DHRSX: variants seen among roughly 807,000 people sequenced by gnomAD.
The protein encoded by DHRSX is polyprenol dehydrogenase.
DHRSX carries 31 observed loss-of-function variants against 34.0 expected under a neutral mutation model. That is an observed-to-expected ratio of 0.91 (90% confidence interval 0.69 to 1.23). The LOEUF (loss-of-function observed/expected upper bound fraction) is 1.23. Ranked by LOEUF, DHRSX falls within the 50% of genes most tolerant of loss-of-function variation. The pLI is 0.00. For missense variants in DHRSX, 414 were observed against 428.1 expected (o/e 0.97, Z 0.29); for synonymous variants, 201 against 183.8 (o/e 1.09, Z -0.76).
At chrX:2,241,276 C>A (rs1167352065) in intron 6 of DHRSX, among the ~76,000 whole-genome samples, 2 of 152,160 alleles carry the variant, frequency 1.3e-5, no homozygotes. Context: ...AAGATCATTG[C>A]AGAAATGTGG....
intron 1 of DHRSX, among the ~76,000 whole-genome samples, chrX:2,449,181 C>G (rs978263272): frequency 9.7e-6 from 1 of 103,624 alleles, no homozygotes; most frequent in African/African-American, 5.5e-5. Flanking sequence ...AAGAGTAAAA[C>G]TCTGTCTCAA....
At chrX:2,319,310 C>T (rs1380271342) in intron 3 of DHRSX, among the ~76,000 whole-genome samples, 2 of 150,622 alleles carry the variant, frequency 1.3e-5, no homozygotes, top group East Asian at 2.0e-4. Context: ...TTTGGGAGGC[C>T]GAGGCGGGTA....
At chrX:2,407,209 G>A (rs1206467951) in intron 3 of DHRSX, among the ~76,000 whole-genome samples, 3 of 152,178 alleles carry the variant, frequency 2.0e-5, no homozygotes, top group Admixed American at 6.5e-5. Flanking sequence ...CCAATTTGCT[G>A]GGTCCGACTC....
At chrX:2,241,986 T>C (rs146663081) in intron 6 of DHRSX, among the ~76,000 whole-genome samples, 2,317 of 152,126 alleles carry the variant, frequency 0.015, 61 homozygotes, top group African/African-American at 0.052. Flanking sequence ...TTCAAACCCA[T>C]TGACTTCTCT....
intron 3 of DHRSX, among the ~76,000 whole-genome samples, chrX:2,391,735 GACCAAC>G (rs2043337841): frequency 6.6e-6 from 1 of 152,086 alleles, no homozygotes; most frequent in Non-Finnish European, 1.5e-5. Flanking sequence ...AGACCAGCCT[GACCAAC>G]ATGGTGAAAT....
Position 2,255,809 on chromosome X carries a change from G to A in DHRSX, c.596+10931C>T, listed in dbSNP as rs773211532. ...GGTGCCTGTAGTCCCAGCTACCCGG[G>A]AGGCTGAGACAGGAGAATCACTTGA... is the stretch of plus-strand genomic sequence containing the variant. On this transcript the variant is annotated intron_variant, in intron 5 of 6. Coordinates refer to ENST00000334651, the MANE Select transcript of DHRSX (RefSeq NM_145177.3). Among the ~76,000 whole-genome samples, 16 of 151,896 alleles carry A rather than the reference G, an allele frequency of 1.1e-4. No individual in the cohort carries two copies. In the South Asian group the frequency reaches 3.1e-3, roughly 30 times the overall value.
intron 3 of DHRSX, among the ~76,000 whole-genome samples, chrX:2,330,901 G>C (rs984573938): frequency 5.9e-5 from 9 of 152,126 alleles, no homozygotes; most frequent in Non-Finnish European, 7.4e-5. Context: ...GCCTGGTCCA[G>C]GCCACTCTAA....
Position 2,225,347 on chromosome X carries a change from C to T in DHRSX, c.805-4118G>A, listed in dbSNP as rs376514085. Among the ~76,000 whole-genome samples, 184 of 151,010 alleles carry T rather than the reference C, an allele frequency of 1.2e-3. 2 individuals carry two copies. In the Middle Eastern group the frequency reaches 0.014, roughly 11 times the overall value. ...ATGCACGCACCCTCATTCACAAGTA[C>T]GCACATACACATGCACACATGCTCA... is the stretch of plus-strand genomic sequence containing the variant. On this transcript the variant is annotated intron_variant, in intron 6 of 6. Transcript: ENST00000334651.
chrX:2,348,696 T>A (rs780059993), intron 3 of DHRSX, among the ~76,000 whole-genome samples: 8,673 of 151,770 alleles, frequency 0.057, 826 homozygotes, highest in African/African-American at 0.2. Context: ...ATTTTTATTT[T>A]TTTTTTTTTT....
chrX:2,333,022 T>C (rs62583704), intron 3 of DHRSX, among the ~76,000 whole-genome samples: 39,923 of 152,034 alleles, frequency 0.26, 6,271 homozygotes, highest in African/African-American at 0.43. Context: ...AAATAGGTGA[T>C]GGGCCTTTGC....
At chrX:2,347,218 T>C (rs1306829698) in intron 3 of DHRSX, among the ~76,000 whole-genome samples, 1 of 152,010 alleles carries the variant, frequency 6.6e-6, no homozygotes, top group African/African-American at 2.4e-5. Context: ...AAGCAAAAGG[T>C]GAAAGGCACG....
intron 2 of DHRSX, among the ~76,000 whole-genome samples, chrX:2,417,982 A>G (rs2043717734): frequency 6.6e-6 from 1 of 151,866 alleles, no homozygotes; most frequent in Non-Finnish European, 1.5e-5. Context: ...AGACCTCATC[A>G]TGGCCTACCC....
At chrX:2,371,280 GTTACCATAGTCCCTCCTCCA>G (rs1235374368) in intron 3 of DHRSX, among the ~76,000 whole-genome samples, 4 of 143,034 alleles carry the variant, frequency 2.8e-5, no homozygotes, top group South Asian at 2.2e-4. Flanking sequence ...TTCTACTTCT[GTTACCATAGTCCCTCCTCCA>G]TTACCATAGA....
At chrX:2,271,310 G>A (rs920480363) in intron 4 of DHRSX, among the ~76,000 whole-genome samples, 38 of 152,198 alleles carry the variant, frequency 2.5e-4, no homozygotes, top group African/African-American at 8.9e-4. Context: ...CTTGAAGTCA[G>A]CGAGACCAAG....
At chrX:2,350,063 T>C (rs1308967517) in intron 3 of DHRSX, among the ~76,000 whole-genome samples, 1 of 137,712 alleles carries the variant, frequency 7.3e-6, no homozygotes, top group African/African-American at 2.7e-5. Flanking sequence ...AGAACGTAAT[T>C]GGCCAGGTGC....
At chrX:2,489,923 C>T (rs777878367) in intron 1 of DHRSX, 2 of 1,613,838 alleles carry the variant, frequency 1.2e-6, no homozygotes, top group African/African-American at 1.3e-5. Flanking sequence ...GGTGGTGGCC[C>T]CGAAGACCTT....
chrX:2,356,025 C>T (rs2042846775), intron 3 of DHRSX, among the ~76,000 whole-genome samples: 1 of 147,828 alleles, frequency 6.8e-6, no homozygotes, highest in Non-Finnish European at 1.5e-5. Context: ...GAGATTGCGC[C>T]ATTGCACTCC....
chrX:2,372,412 G>C (rs2043083418), intron 3 of DHRSX, among the ~76,000 whole-genome samples: 1 of 152,026 alleles, frequency 6.6e-6, no homozygotes, highest in Admixed American at 6.6e-5. Flanking sequence ...GAACCGCTGG[G>C]GGAAGGCAGG....
At chrX:2,364,062 C>G (rs1156654310) in intron 3 of DHRSX, among the ~76,000 whole-genome samples, 3 of 152,102 alleles carry the variant, frequency 2.0e-5, no homozygotes, top group Non-Finnish European at 4.4e-5. Flanking sequence ...CGTAGGATGT[C>G]TAAGCTCTCC....
Sources: gnomAD v4.1 joint callset for allele counts (sites outside exome capture counted in the v4.1 genomes callset) on GRCh38, gnomAD v4.1.1 for gene constraint, MANE v1.5 for transcripts, NCBI Gene and HGNC (gene_info 2026-07-23, HGNC 2026-07-21) for gene names.